The following ZNF423 variants were observed in gnomAD, a reference collection of about 807,000 sequenced individuals.
The protein encoded by ZNF423 is Ebf-associated zinc finger protein.
A neutral mutation model predicts 95.8 loss-of-function variants in ZNF423; 12 were observed. That is an observed-to-expected ratio of 0.13 (90% CI 0.08 to 0.20). ZNF423 has a LOEUF of 0.20. Among genes scored for constraint, ZNF423 ranks in the 10% least tolerant of loss-of-function variants. ZNF423 has a pLI of 1.00. For missense variants in ZNF423, 1,316 were observed against 1,737.1 expected, an observed-to-expected ratio of 0.76 and a Z score of 4.31; for synonymous variants, 749 against 711.9, an observed-to-expected ratio of 1.05 and a Z score of -0.83.
chr16:49,694,353 T>C (rs984111902), intron 3 of ZNF423, among the ~76,000 whole-genome samples: 27 of 152,126 alleles, frequency 1.8e-4, no homozygotes, highest in African/African-American at 6.5e-4. Flanking sequence ...GAACAAAGCA[T>C]GAGTCTTTGC....
At chr16:49,858,853 C>A (rs1449478412), upstream of ZNF423, among the ~76,000 whole-genome samples, 1 of 152,140 alleles carries the variant, frequency 6.6e-6, no homozygotes, top group Non-Finnish European at 1.5e-5. The surrounding 1 kb of genome is among the most constrained non-coding windows in gnomAD (Gnocchi z 4.3). Flanking sequence ...TCAGCCGCTC[C>A]CCCACCCCCG....
At chr16:49,577,574 G>C (rs1235135700) in intron 5 of ZNF423, among the ~76,000 whole-genome samples, 1 of 152,184 alleles carries the variant, frequency 6.6e-6, no homozygotes, top group East Asian at 1.9e-4. Context: ...GAAATGTGGT[G>C]CAAGACTTGG....
chr16:49,720,834 G>C (rs1189009118), intron 3 of ZNF423, among the ~76,000 whole-genome samples: 1 of 152,190 alleles, frequency 6.6e-6, no homozygotes. Flanking sequence ...CTCAGGCCCA[G>C]TGGTCTGCAT....
intron 1 of ZNF423, among the ~76,000 whole-genome samples, chr16:49,814,982 C>T (rs937607948): frequency 5.9e-5 from 9 of 152,264 alleles, no homozygotes; most frequent in Middle Eastern, 3.4e-3. Context: ...CTTTCCCACA[C>T]GTGTGTCCTA....
chr16:49,679,141 T>C (rs2031244251), intron 3 of ZNF423, among the ~76,000 whole-genome samples: 1 of 152,224 alleles, frequency 6.6e-6, no homozygotes, highest in Non-Finnish European at 1.5e-5. Flanking sequence ...AGGGTCTCAC[T>C]ATGTTGCCCA....
intron 3 of ZNF423, among the ~76,000 whole-genome samples, chr16:49,710,501 C>T (rs2032508920): frequency 6.6e-6 from 1 of 152,262 alleles, no homozygotes; most frequent in South Asian, 2.1e-4. Flanking sequence ...TCAGGGCCGA[C>T]TCTGGCACTT....
chr16:49,580,405 C>T (rs1329894979), intron 5 of ZNF423, among the ~76,000 whole-genome samples: 1 of 152,194 alleles, frequency 6.6e-6, no homozygotes. Flanking sequence ...TCCTGGCTTT[C>T]CCATCAACAC....
rs1972702339 is a variant in ZNF423, at chr16:49,636,335, G to T, written c.2841C>A (p.Phe947Leu). Residue 947 changes from phenylalanine (F) to leucine (L), a missense_variant, in exon 4 of 8, where the codon TTC (phenylalanine) becomes TTA (leucine). Phe to Leu is a conservative substitution (Grantham distance 22). This residue lies in a region of ZNF423 where 620 missense variants were observed against 775.6 expected (regional missense o/e 0.80). Coordinates refer to ENST00000563137, the MANE Select transcript of ZNF423 (RefSeq NM_001379286.1). This position sits in a 1 kb window ranked among gnomAD's most constrained non-coding sequence, Gnocchi z 8.6. ...SHKCNVCSRT[F>L]FSENGLREHL... Reference sequence around the variant, plus strand: ...GCTCCCGTAGCCCGTTCTCCGAGAAGAAAGTCCGTGAACAAACGTTGCACT... The same window carrying T: ...GCTCCCGTAGCCCGTTCTCCGAGAATAAAGTCCGTGAACAAACGTTGCACT... 1.2e-6 allele frequency: 2 copies of T among 1,612,742 alleles called. No homozygotes were observed. The highest frequency in any genetic ancestry group is 1.7e-6 in the Non-Finnish European group (2 of 1,180,018).
chr16:49,505,118 T>A (rs1173016559), intron 7 of ZNF423, among the ~76,000 whole-genome samples: 1 of 152,176 alleles, frequency 6.6e-6, no homozygotes, highest in Non-Finnish European at 1.5e-5. Flanking sequence ...CCACTTTAAA[T>A]ATTTATTCAT....
At chr16:49,581,908 G>T (rs1189449729) in intron 5 of ZNF423, among the ~76,000 whole-genome samples, 2 of 152,136 alleles carry the variant, frequency 1.3e-5, no homozygotes, top group African/African-American at 4.8e-5. Flanking sequence ...ATGTCACCAG[G>T]CGTCAGTTCT....
At chr16:49,814,763 T>C (rs1489767216) in intron 1 of ZNF423, among the ~76,000 whole-genome samples, 2 of 150,720 alleles carry the variant, frequency 1.3e-5, no homozygotes, top group African/African-American at 4.8e-5. Context: ...ATCTACCTCA[T>C]TCAAACCCAG....
intron 1 of ZNF423, among the ~76,000 whole-genome samples, chr16:49,819,985 T>C (rs2034915224): frequency 6.6e-6 from 1 of 152,084 alleles, no homozygotes; most frequent in African/African-American, 2.4e-5. Context: ...CCCTGATGTT[T>C]GTAGGTTAGG....
chr16:49,788,857 G>C (rs962613289), intron 2 of ZNF423, among the ~76,000 whole-genome samples: 1 of 152,232 alleles, frequency 6.6e-6, no homozygotes, highest in Non-Finnish European at 1.5e-5. Flanking sequence ...CTCAAAGCCA[G>C]TTCTAATCTC....
intron 5 of ZNF423, among the ~76,000 whole-genome samples, chr16:49,606,090 G>C (rs1971527780): frequency 6.6e-6 from 1 of 152,196 alleles, no homozygotes; most frequent in African/African-American, 2.4e-5. Flanking sequence ...GCAGCTCTGA[G>C]GATGTAACAA....
At chr16:49,806,636 G>T (rs981079450) in intron 1 of ZNF423, among the ~76,000 whole-genome samples, 2 of 152,040 alleles carry the variant, frequency 1.3e-5, no homozygotes, top group Admixed American at 6.5e-5. Flanking sequence ...ACGTGTGTGT[G>T]TGTGCTTCCA....
At chr16:49,734,932 TG>T (rs1422735216) in intron 2 of ZNF423, among the ~76,000 whole-genome samples, 1 of 152,142 alleles carries the variant, frequency 6.6e-6, no homozygotes, top group Non-Finnish European at 1.5e-5. Flanking sequence ...AGCAGAGCTC[TG>T]GGAAGTGACA....
intron 2 of ZNF423, 36 bp from the exon 3 acceptor site, chr16:49,731,007 T>C (rs778950811): frequency 3.7e-6 from 6 of 1,605,136 alleles, no homozygotes; most frequent in Non-Finnish European, 5.1e-6. Flanking sequence ...TGTCAGCTGA[T>C]GGGGTCTTGG....
intron 3 of ZNF423, among the ~76,000 whole-genome samples, chr16:49,723,577 G>C (rs1014636355): frequency 6.6e-6 from 1 of 152,170 alleles, no homozygotes; most frequent in Non-Finnish European, 1.5e-5. Context: ...TGAATGTTTT[G>C]ACTTTGGTTT....
At chr16:49,682,562 G>C (rs1430826738) in intron 3 of ZNF423, among the ~76,000 whole-genome samples, 1 of 152,230 alleles carries the variant, frequency 6.6e-6, no homozygotes, top group Non-Finnish European at 1.5e-5. Flanking sequence ...CATCTGGCCT[G>C]AACAGAACCT....
Sources: gnomAD v4.1 joint callset for allele counts (sites outside exome capture counted in the v4.1 genomes callset) on GRCh38, gnomAD v4.1.1 for gene constraint, gnomAD v4.1.1 regional missense constraint, Gnocchi (gnomAD v3.1) non-coding constraint, MANE v1.5 for transcripts, NCBI Gene and HGNC (gene_info 2026-07-23, HGNC 2026-07-21) for gene names.